The following ZNF808 variants were observed in gnomAD, a reference collection of about 807,000 sequenced individuals.
The protein encoded by ZNF808 is zinc finger protein 808.
In ZNF808, 5 loss-of-function variants were observed where a neutral mutation model predicts 8.7. That is an observed-to-expected ratio of 0.58 (90% CI 0.30 to 1.21). ZNF808 has a LOEUF of 1.21. Among genes scored for constraint, ZNF808 ranks in the 50% most tolerant of loss-of-function variants. The probability of loss-of-function intolerance (pLI) is 0.07; values close to 1 mark genes in which losing one functional copy is unlikely to be tolerated. For synonymous variants in ZNF808, 380 were observed against 366.0 expected, an observed-to-expected ratio of 1.04 and a Z score of -0.44; for missense variants, 1,103 against 1,098.4, an observed-to-expected ratio of 1.00 and a Z score of -0.06.
At chr19:52,542,958 TGG>T (rs67486103) in intron 2 of ZNF808, among the ~76,000 whole-genome samples, 50,588 of 142,070 alleles carry the variant, frequency 0.36, 9,504 homozygotes, top group East Asian at 0.54. Flanking sequence ...ATCTTTTTTT[TGG>T]GGGGGGGGTG....
In ZNF808 at chr19:52,545,508, G is replaced by C. The variant is rs909902020; in HGVS notation, c.64-2004G>C. Reference sequence around the variant, plus strand: ...TTAATGGTAAGATGGGGCCGGGCCCGGTTGCTCACACCTGTAATCCCACCA... The same window carrying C: ...TTAATGGTAAGATGGGGCCGGGCCCCGTTGCTCACACCTGTAATCCCACCA... On this transcript the variant is annotated intron_variant, in intron 3 of 4. Coordinates refer to ENST00000359798, the MANE Select transcript of ZNF808 (RefSeq NM_001039886.4). Among the ~76,000 whole-genome samples, 45 of 152,074 alleles carry C rather than the reference G, an allele frequency of 3.0e-4. 1 individual carries two copies. Among genetic ancestry groups the C allele is most frequent in the Non-Finnish European group, 7.4e-5 (5 of 68,004 alleles).
chr19:52,565,798 C>A (rs954019735), downstream of ZNF808, among the ~76,000 whole-genome samples: 6 of 152,194 alleles, frequency 3.9e-5, no homozygotes, highest in Non-Finnish European at 5.9e-5. Flanking sequence ...ATTTCACCTT[C>A]CCAGATCGAA....
Position 52,553,752 on chromosome 19 carries a change from G to C in ZNF808, c.836G>C (p.Arg279Thr). The C allele has an allele frequency of 6.2e-7, 1 of 1,614,154 alleles. No individual in the cohort carries two copies. The highest frequency in any genetic ancestry group is 8.5e-7 in the Non-Finnish European group (1 of 1,180,010). ...NHKQYLACHR[R>T]CHTGEKPYKC... Reference sequence around the variant, plus strand: ...AAGCAATACCTTGCATGCCATCGTAGATGTCACACTGGAGAGAAACCTTAC... The same window carrying C: ...AAGCAATACCTTGCATGCCATCGTACATGTCACACTGGAGAGAAACCTTAC... Residue 279 changes from arginine (R) to threonine (T), a missense_variant, in exon 5 of 5, where the codon AGA becomes ACA. Physicochemically the swap from Arg to Thr is moderately conservative, Grantham distance 71. Transcript: ENST00000359798.
chr19:52,528,568 A>G lies in ZNF808; in HGVS notation c.-122+857A>G, dbSNP rs572520677. ...CTGGAGAAATGTAGAGAAAAGCTAG[A>G]TGTACACAGAGATGAAGGACGGCAA... On this transcript the variant is annotated intron_variant, in intron 1 of 4. Coordinates refer to ENST00000359798, the MANE Select transcript of ZNF808 (RefSeq NM_001039886.4). Among the ~76,000 whole-genome samples the G allele has an allele frequency of 4.6e-5, 7 of 152,280 alleles. No homozygotes were observed. In the South Asian group the frequency reaches 8.3e-4, roughly 18 times the overall value.
intron 1 of ZNF808, among the ~76,000 whole-genome samples, chr19:52,528,865 G>GT: frequency 6.6e-6 from 1 of 152,010 alleles, no homozygotes; most frequent in Non-Finnish European, 1.5e-5. Flanking sequence ...TTGAAAGATT[G>GT]GGGAGAAGGA....
intron 2 of ZNF808, among the ~76,000 whole-genome samples, chr19:52,538,633 AAACC>A (rs1416347540): frequency 1.4e-5 from 2 of 145,968 alleles, no homozygotes; most frequent in African/African-American, 2.6e-5. Context: ...TGTCTCAAAA[AAACC>A]AAAAAAGAAT....
At chr19:52,561,186 CTCTCTCTCTCTCTCTCTCTCTCTCTCTA>C (rs1250379011), downstream of ZNF808, among the ~76,000 whole-genome samples, 18 of 65,334 alleles carry the variant, frequency 2.8e-4, no homozygotes, top group Admixed American at 7.3e-4. Flanking sequence ...CTCTCTCTCT[CTCTCTCTCTCTCTCTCTCTCTCTCTCTA>C]TATATATATA....
downstream of ZNF808, among the ~76,000 whole-genome samples, chr19:52,568,147 G>A (rs1021547979): frequency 6.6e-6 from 1 of 152,188 alleles, no homozygotes; most frequent in African/African-American, 2.4e-5. Context: ...TGAGGCGGGC[G>A]GATCGCCTGA....
downstream of ZNF808, among the ~76,000 whole-genome samples, chr19:52,559,852 G>A (rs1365790675): frequency 1.3e-5 from 2 of 152,046 alleles, no homozygotes; most frequent in Non-Finnish European, 2.9e-5. Flanking sequence ...TGAGCCTCTC[G>A]AGTAGCTGGG....
intron 3 of ZNF808, among the ~76,000 whole-genome samples, chr19:52,562,833 G>A (rs1339353999): frequency 3.3e-5 from 5 of 152,050 alleles, no homozygotes; most frequent in African/African-American, 7.2e-5. Context: ...GAGTGCAATG[G>A]CATGATCTCG....
intron 2 of ZNF808, among the ~76,000 whole-genome samples, chr19:52,542,667 A>C (rs1458202219): frequency 6.6e-6 from 1 of 152,152 alleles, no homozygotes; most frequent in East Asian, 1.9e-4. Context: ...TGGAGACATG[A>C]GACATCAATC....
downstream of ZNF808, among the ~76,000 whole-genome samples, chr19:52,564,841 C>T (rs980470288): frequency 6.6e-6 from 1 of 152,108 alleles, no homozygotes; most frequent in Non-Finnish European, 1.5e-5. Flanking sequence ...AATCCCAGCA[C>T]TTTGGGAGGC....
At chr19:52,566,103 G>A (rs146993140), downstream of ZNF808, among the ~76,000 whole-genome samples, 780 of 152,198 alleles carry the variant, frequency 5.1e-3, 7 homozygotes, top group Non-Finnish European at 6.7e-3. Context: ...ATAGGGAAAT[G>A]CTTTACAACT....
intron 3 of ZNF808, 51 bp from the exon 4 acceptor site, chr19:52,547,461 T>A: frequency 6.2e-7 from 1 of 1,611,888 alleles, no homozygotes; most frequent in East Asian, 2.2e-5. Flanking sequence ...CCTGTGAAGG[T>A]GATAACTCAA....
chr19:52,547,954 G>A (rs1197322023), intron 4 of ZNF808, among the ~76,000 whole-genome samples: 5 of 151,970 alleles, frequency 3.3e-5, no homozygotes, highest in African/African-American at 7.3e-5. Context: ...GGTCAGGCTC[G>A]TCTCTAACTC....
At chr19:52,567,975 T>G (rs1048678459), downstream of ZNF808, among the ~76,000 whole-genome samples, 1 of 152,206 alleles carries the variant, frequency 6.6e-6, no homozygotes, top group Non-Finnish European at 1.5e-5. Flanking sequence ...ATTTCAAACA[T>G]CAGCTATTTC....
chr19:52,545,410 T>G (rs1169512069), intron 3 of ZNF808, among the ~76,000 whole-genome samples: 1 of 152,212 alleles, frequency 6.6e-6, no homozygotes, highest in African/African-American at 2.4e-5. Flanking sequence ...ACATTTGCAA[T>G]AAGTTTTATT....
chr19:52,557,385 G>T (rs1157869949), downstream of ZNF808, among the ~76,000 whole-genome samples: 2 of 151,926 alleles, frequency 1.3e-5, no homozygotes, highest in Non-Finnish European at 2.9e-5. Context: ...TCCTGCCTCA[G>T]CATACCGAGT....
chr19:52,528,656 G>A (rs1286166106), intron 1 of ZNF808, among the ~76,000 whole-genome samples: 1 of 152,052 alleles, frequency 6.6e-6, no homozygotes, highest in Non-Finnish European at 1.5e-5. Context: ...GAGGGATTTG[G>A]AGCCAGGGCA....
Sources: allele counts gnomAD v4.1 joint callset (sites outside exome capture counted in the v4.1 genomes callset), GRCh38; gene constraint gnomAD v4.1.1; transcripts MANE v1.5; gene names NCBI Gene and HGNC (gene_info 2026-07-23, HGNC 2026-07-21).